The following ZBTB5 variants were observed in gnomAD, a reference collection of about 807,000 sequenced individuals.
ZBTB5 encodes the protein zinc finger and BTB domain containing 5.
Under a neutral mutation model 37.9 loss-of-function variants are expected in ZBTB5, and 15 were observed. The ratio of observed to expected loss-of-function variants is 0.40; its 90% CI spans 0.26 to 0.61. The LOEUF is 0.61. Among genes scored for constraint, ZBTB5 ranks in the 20% least tolerant of loss-of-function variants. ZBTB5 has a pLI of 0.47. For synonymous variants in ZBTB5, 315 were observed against 312.4 expected (o/e 1.01, Z -0.09); for missense variants, 708 against 856.8 (o/e 0.83, Z 2.17).
rs150978665 is a variant in ZBTB5 at position 37,442,114 on chromosome 9, T to C, written c.438A>G (p.Leu146=). 4.8e-5 allele frequency: 78 copies of C among 1,614,058 alleles called. No homozygotes were observed. Among genetic ancestry groups the C allele is most frequent in the African/African-American group, 1.1e-4 (8 of 74,954 alleles). ...TCACGATGCTTAGTCCCAGCTGCTG[T>C]AGCATAAAGGAGCGCTGCATGCGGG... ...QSARMQRSFM[L]QQLGLSIVSS... The change falls in exon 2 of 2, where the codon CTA becomes CTG. Residue 146 remains leucine (L), a synonymous_variant. Transcript: ENST00000307750.
At position 37,438,405 on chromosome 9, in the gene ZBTB5, A is replaced by G. The variant is rs1823767558; in HGVS notation, c.*2113T>C. Reference sequence around the variant, plus strand: ...GCATGTACAAGGACACTGGCCCACAAGCTTGCTTCTCACACGTAGAAACTG... The same window carrying G: ...GCATGTACAAGGACACTGGCCCACAGGCTTGCTTCTCACACGTAGAAACTG... On this transcript the variant is annotated 3_prime_UTR_variant, in exon 2 of 2. Transcript: ENST00000307750. The G allele has an allele frequency of 6.6e-6, 1 of 152,644 alleles. No homozygotes were observed. The highest frequency in any genetic ancestry group is 1.5e-5 in the Non-Finnish European group (1 of 68,046). The allele number at this position is 152,644 out of a possible 1,614,324, so 9.5% of individuals were successfully genotyped here. A position where few individuals can be genotyped will look rare whatever the true frequency, so the allele number is the denominator to read the frequency against.
chr9:37,439,711 CT>C lies in ZBTB5; in HGVS notation c.*806del, dbSNP rs1248888219. 6.6e-6 allele frequency: 1 copy of C among 152,200 alleles called. No homozygotes were observed. The highest frequency in any genetic ancestry group is 1.5e-5 in the Non-Finnish European group (1 of 68,040). The allele number at this position is 152,200 out of a possible 1,614,324, so 9.4% of individuals were successfully genotyped here. Reference sequence around the variant, plus strand: ...CAGCAGAACAAAGACAAACACAAGTCTTTTCTGACTTCCTAACATGGAACTG... The same window carrying C: ...CAGCAGAACAAAGACAAACACAAGTCTTTCTGACTTCCTAACATGGAACTG... On this transcript the variant is annotated 3_prime_UTR_variant, in exon 2 of 2. Coordinates refer to ENST00000307750, the MANE Select transcript of ZBTB5 (RefSeq NM_014872.3).
intron 1 of ZBTB5, among the ~76,000 whole-genome samples, chr9:37,451,241 T>A (rs72739650): frequency 6.6e-5 from 10 of 151,740 alleles, no homozygotes; most frequent in Non-Finnish European, 1.0e-4. Flanking sequence ...CTGGTGTTTG[T>A]CTTAAATCTT....
Position 37,456,939 on chromosome 9 carries a change from T to C in ZBTB5, c.-5+8276A>G, listed in dbSNP as rs138491498. 1.9e-3 allele frequency among the ~76,000 whole-genome samples: 297 copies of C among 152,342 alleles called. 2 individuals carry two copies. Among genetic ancestry groups the C allele is most frequent in the African/African-American group, 6.8e-3 (283 of 41,592 alleles). ...CAAAATAAAGATCAAAGACTATGGA[T>C]GAAAGATTTTCTCATAGGAAAGTCC... On this transcript the variant is annotated intron_variant, in intron 1 of 1. Transcript: ENST00000307750.
chr9:37,453,160 T>C (rs1689751962), intron 1 of ZBTB5, among the ~76,000 whole-genome samples: 1 of 152,198 alleles, frequency 6.6e-6, no homozygotes, highest in African/African-American at 2.4e-5. Flanking sequence ...TTCATTGGAT[T>C]CTAAGATGCC....
chr9:37,441,331 A>G lies in ZBTB5; in HGVS notation c.1221T>C (p.Phe407=), dbSNP rs751448260. ...TCTTGTTAAGAAAATTCGAAATACT[A>G]AAAGTGGACTTATGCTCTAGGTTAT... The part of the protein sequence containing the change: ...VTNNLEHKST[F]SISNFLNKSR... Residue 407 remains phenylalanine, a synonymous_variant, in exon 2 of 2, where the codon TTT becomes TTC. Transcript: ENST00000307750. 2.2e-5 allele frequency: 35 copies of G among 1,614,080 alleles called. No homozygotes were observed. Among genetic ancestry groups the G allele is most frequent in the Non-Finnish European group, 2.9e-5 (34 of 1,180,050 alleles).
chr9:37,456,580 C>A (rs1034003447), intron 1 of ZBTB5, among the ~76,000 whole-genome samples: 1 of 152,180 alleles, frequency 6.6e-6, no homozygotes, highest in Non-Finnish European at 1.5e-5. Flanking sequence ...CCAATTCTCT[C>A]CACATTGCCA....
intron 1 of ZBTB5, among the ~76,000 whole-genome samples, chr9:37,450,414 T>C (rs1456895317): frequency 6.6e-6 from 1 of 152,196 alleles, no homozygotes; most frequent in African/African-American, 2.4e-5. Context: ...GGACTATACT[T>C]TGCGAATTGC....
chr9:37,441,931 G>A lies in ZBTB5; in HGVS notation c.621C>T (p.Pro207=). The A allele has an allele frequency of 1.9e-6, 3 of 1,614,078 alleles. No homozygotes were observed. The South Asian group carries it at 3.3e-5, about 18-fold the overall frequency. Residue 207 remains proline, a synonymous_variant, in exon 2 of 2, where the codon CCC becomes CCT. Coordinates refer to ENST00000307750, the MANE Select transcript of ZBTB5 (RefSeq NM_014872.3). ...CTGAAATGGCAGACTCATCTATGGA[G>A]GGTCGGAGGCGCTGCCTGGCCCGCT... ...AEERARQRLR[P]SIDESAISDV... is the part of the protein sequence containing the mutation.
chr9:37,440,749 C>T lies in ZBTB5; in HGVS notation c.1803G>A (p.Glu601=), dbSNP rs780349206. The change falls in exon 2 of 2, where the codon GAG becomes GAA. Residue 601 remains glutamate, a synonymous_variant. Coordinates refer to ENST00000307750, the MANE Select transcript of ZBTB5 (RefSeq NM_014872.3). Reference sequence around the variant, plus strand: ...CTCCCTCTACAACCAAAACATTGTGCTCTGATAAGGCCTTCTTGCACTTTG... The same window carrying T: ...CTCCCTCTACAACCAAAACATTGTGTTCTGATAAGGCCTTCTTGCACTTTG... ...VLSKCKKALS[E]HNVLVVEGAR... The T allele has an allele frequency of 8.1e-6, 13 of 1,614,242 alleles. No individual in the cohort carries two copies. The Admixed American group carries it at 1.3e-4, about 17-fold the overall frequency.
chr9:37,447,399 T>C (rs1387569857), intron 1 of ZBTB5, among the ~76,000 whole-genome samples: 1 of 152,184 alleles, frequency 6.6e-6, no homozygotes, highest in Non-Finnish European at 1.5e-5. Flanking sequence ...CACCCAGCAT[T>C]GTAGTAACAG....
Position 37,442,489 on chromosome 9 carries a change from G to A in ZBTB5, c.63C>T (p.Gly21=). The change falls in exon 2 of 2, where the codon GGC becomes GGT. Residue 21 remains glycine (G), a synonymous_variant. Coordinates refer to ENST00000307750, the MANE Select transcript of ZBTB5 (RefSeq NM_014872.3). ...FQQLNYQRLH[G]QLCDCVIVVG... The stretch of plus-strand genomic sequence containing the variant: ...CTACAATGACACAATCACAGAGCTG[G>A]CCATGAAGTCTCTGGTAGTTCAGCT... 6.2e-7 allele frequency: 1 copy of A among 1,613,608 alleles called. No individual in the cohort carries two copies. The highest frequency in any genetic ancestry group is 8.5e-7 in the Non-Finnish European group (1 of 1,179,576).
chr9:37,452,380 G>T (rs1044649894), intron 1 of ZBTB5, among the ~76,000 whole-genome samples: 1 of 152,088 alleles, frequency 6.6e-6, no homozygotes, highest in African/African-American at 2.4e-5. Context: ...CATCATTTTT[G>T]ATATATGTTT....
At chr9:37,451,874 T>A in intron 1 of ZBTB5, among the ~76,000 whole-genome samples, 1 of 152,070 alleles carries the variant, frequency 6.6e-6, no homozygotes, top group East Asian at 1.9e-4. Flanking sequence ...CAGGTCCAGG[T>A]GGGGCCATCC....
At chr9:37,462,110 G>C (rs2768661) in intron 1 of ZBTB5, among the ~76,000 whole-genome samples, 2 of 151,888 alleles carry the variant, frequency 1.3e-5, no homozygotes, top group Non-Finnish European at 2.9e-5. Context: ...GGGACTACAG[G>C]TGTGTGCCAC....
intron 1 of ZBTB5, among the ~76,000 whole-genome samples, chr9:37,446,611 T>A (rs1338089302): frequency 6.6e-6 from 1 of 152,222 alleles, no homozygotes; most frequent in African/African-American, 2.4e-5. Context: ...TCTCCAAAGA[T>A]GCAGCCACTG....
rs551983770 is a variant in ZBTB5 at position 37,462,660 on chromosome 9, C to T, written c.-5+2555G>A. On this transcript the variant is annotated intron_variant, in intron 1 of 1. Transcript: ENST00000307750. The stretch of plus-strand genomic sequence containing the variant: ...CTCAATGCAACTTCTGCCTCCCAGG[C>T]TCAAGCGATTCTTCCGCCTCGGCCT... Among the ~76,000 whole-genome samples the T allele has an allele frequency of 5.3e-5, 8 of 151,758 alleles. No individual in the cohort carries two copies. In the East Asian group the frequency reaches 1.6e-3, roughly 29 times the overall value.
intron 1 of ZBTB5, among the ~76,000 whole-genome samples, chr9:37,453,838 A>T (rs1342959679): frequency 1.3e-5 from 2 of 152,198 alleles, no homozygotes; most frequent in East Asian, 3.8e-4. Context: ...AGACTATCTC[A>T]ACCCAGATTA....
chr9:37,455,128 C>T (rs1001384071), intron 1 of ZBTB5, among the ~76,000 whole-genome samples: 25 of 152,162 alleles, frequency 1.6e-4, no homozygotes, highest in African/African-American at 6.0e-4. Context: ...CTATCCTGTA[C>T]ACATATAAAC....
Sources: allele counts gnomAD v4.1 joint callset (sites outside exome capture counted in the v4.1 genomes callset), GRCh38; gene constraint gnomAD v4.1.1; transcripts MANE v1.5; gene names NCBI Gene and HGNC (gene_info 2026-07-23, HGNC 2026-07-21).